The following ITGAV variants were observed in gnomAD, a reference collection of about 807,000 sequenced individuals.
ITGAV encodes the protein integrin alpha-V.
A neutral mutation model predicts 143.8 loss-of-function variants in ITGAV; 76 were observed. That is an observed-to-expected ratio of 0.53 (90% CI 0.44 to 0.64). The LOEUF is 0.64. ITGAV is among the 30% of genes least tolerant of loss of function. The pLI is 0.00. For synonymous variants in ITGAV, 453 were observed against 446.7 expected (o/e 1.01, Z -0.18); for missense variants, 1,193 against 1,274.7 (o/e 0.94, Z 0.98).
At chr2:186,608,919 G>C (rs1574464643) in intron 2 of ITGAV, among the ~76,000 whole-genome samples, 1 of 152,310 alleles carries the variant, frequency 6.6e-6, no homozygotes, top group East Asian at 1.9e-4. Context: ...GGATTTTATT[G>C]TTGCTGGTAC....
At chr2:186,633,489 T>C (rs1687872396) in intron 6 of ITGAV, 115 bp downstream of exon 6, 3 of 504,802 alleles carry the variant, frequency 5.9e-6, no homozygotes, top group Non-Finnish European at 7.2e-6. Context: ...GGAAATACAA[T>C]TAAAGTATAT....
rs1430763945 is a variant in ITGAV at position 186,631,245 on chromosome 2, T to G, written c.585+387T>G. On this transcript the variant is annotated intron_variant, in intron 5 of 29. Transcript: ENST00000261023. The stretch of plus-strand genomic sequence containing the variant: ...ATCAATGAGAGCTTTATTACAAAAT[T>G]AGAGTTACATAAAAGCTGGGAAACA... Among the ~76,000 whole-genome samples, 3 of 152,296 alleles carry G rather than the reference T, an allele frequency of 2.0e-5. No homozygotes were observed. In the East Asian group the frequency reaches 5.8e-4, roughly 29 times the overall value.
chr2:186,597,902 A>G lies in ITGAV; in HGVS notation c.186-4119A>G, dbSNP rs138135500. Among the ~76,000 whole-genome samples, 63 of 152,230 alleles carry G rather than the reference A, an allele frequency of 4.1e-4. 1 individual carries two copies. In the East Asian group the frequency reaches 6.4e-3, roughly 15 times the overall value. The stretch of plus-strand genomic sequence containing the variant: ...TTTCATCCCGAAAGCATCCCCCTCT[A>G]TGTCCAGGGAAGGAAAGGTTGGGGA... On this transcript the variant is annotated intron_variant, in intron 1 of 29. Transcript: ENST00000261023.
In ITGAV at chr2:186,638,272, T is replaced by C. The variant is rs751464182; in HGVS notation, c.803-5T>C. ...ATGAATAATTTGTTTGTTTGTTTGTTTCAGACTTTGTTTCAGGAGTTCCAA... is the reference window on the plus strand; with the variant it reads ...ATGAATAATTTGTTTGTTTGTTTGTCTCAGACTTTGTTTCAGGAGTTCCAA... On this transcript the variant is annotated splice_polypyrimidine_tract_variant and splice_region_variant and intron_variant, in intron 8 of 29. Transcript: ENST00000261023. The C allele has an allele frequency of 1.2e-6, 2 of 1,613,774 alleles. No individual in the cohort carries two copies. The highest frequency in any genetic ancestry group is 2.2e-5 in the South Asian group (2 of 91,052).
At chr2:186,607,589 A>T (rs1404550533) in intron 2 of ITGAV, among the ~76,000 whole-genome samples, 3 of 152,180 alleles carry the variant, frequency 2.0e-5, no homozygotes, top group Non-Finnish European at 4.4e-5. Flanking sequence ...TGGACAAAAA[A>T]AAATCTATTG....
intron 1 of ITGAV, among the ~76,000 whole-genome samples, chr2:186,598,294 TACACACACACACACACACAC>T (rs56789925): frequency 1.4e-5 from 2 of 147,856 alleles, no homozygotes; most frequent in South Asian, 2.2e-4. Context: ...TTATAATTTA[TACACACACACACACACACAC>T]ACACACACAC....
At chr2:186,599,414 A>G (rs547188570) in intron 1 of ITGAV, among the ~76,000 whole-genome samples, 1 of 152,348 alleles carries the variant, frequency 6.6e-6, no homozygotes, top group East Asian at 1.9e-4. Context: ...GCTTCAGACT[A>G]CAACTGGATG....
intron 10 of ITGAV, among the ~76,000 whole-genome samples, chr2:186,640,659 A>G (rs1460722522): frequency 6.6e-6 from 1 of 152,168 alleles, no homozygotes; most frequent in Non-Finnish European, 1.5e-5. Flanking sequence ...GTCATATATC[A>G]ACAACACTGG....
chr2:186,613,733 T>G (rs1002578830), intron 2 of ITGAV, among the ~76,000 whole-genome samples: 6 of 152,138 alleles, frequency 3.9e-5, no homozygotes, highest in African/African-American at 1.4e-4. Context: ...AGTTCTAATA[T>G]CTTACCACTA....
At position 186,590,578 on chromosome 2, in the gene ITGAV, A is replaced by C. The variant is rs547913591; in HGVS notation, c.185+55A>C. The C allele has an allele frequency of 1.5e-3, 2,244 of 1,501,012 alleles. 2 individuals are homozygous for C. Among genetic ancestry groups the C allele is most frequent in the Non-Finnish European group, 1.8e-3 (1,970 of 1,107,626 alleles). 93.0% of individuals were successfully genotyped at this position (1,501,012 alleles called of 1,614,324 possible). The stretch of plus-strand genomic sequence containing the variant: ...GCCCCCTCCCCCACCGCGCGCACCC[A>C]CCCAGCGTTTCTCCATTGGGATTGA... On this transcript the variant is annotated intron_variant, in intron 1 of 29. Transcript: ENST00000261023.
chr2:186,613,706 C>G (rs531689590), intron 2 of ITGAV, among the ~76,000 whole-genome samples: 2 of 152,062 alleles, frequency 1.3e-5, no homozygotes, highest in African/African-American at 4.8e-5. Context: ...GCAAATTGTC[C>G]TTTCGTTAAT....
chr2:186,646,652 A>G, intron 12 of ITGAV, 34 bp from the exon 13 acceptor site: 1 of 1,488,018 alleles, frequency 6.7e-7, no homozygotes, highest in East Asian at 2.4e-5. Context: ...TACTTCTGTC[A>G]TTCTCCTTCC....
intron 18 of ITGAV, among the ~76,000 whole-genome samples, chr2:186,662,176 T>C (rs1688766055): frequency 1.3e-5 from 2 of 152,196 alleles, no homozygotes; most frequent in African/African-American, 4.8e-5. Flanking sequence ...GGGAATGTTA[T>C]ACATACCTTA....
At chr2:186,661,031 C>T (rs924425698) in intron 18 of ITGAV, among the ~76,000 whole-genome samples, 2 of 151,822 alleles carry the variant, frequency 1.3e-5, no homozygotes, top group Non-Finnish European at 2.9e-5. Flanking sequence ...TTCTAAGATA[C>T]TGGGGATTAA....
intron 13 of ITGAV, among the ~76,000 whole-genome samples, chr2:186,649,016 ATATATATACACATT>A (rs1688349023): frequency 1.6e-5 from 1 of 60,966 alleles, no homozygotes. Flanking sequence ...ATTTGTGTGT[ATATATATACACATT>A]TGTGTGTATA....
Position 186,679,899 on chromosome 2 carries a change from C to G in ITGAV, c.*2607C>G, listed in dbSNP as rs148594846. 6.6e-6 allele frequency: 1 copy of G among 151,920 alleles called. No individual in the cohort carries two copies. Among genetic ancestry groups the G allele is most frequent in the Admixed American group, 6.6e-5 (1 of 15,238 alleles). 9.4% of individuals were successfully genotyped at this position (151,920 alleles called of 1,614,324 possible). A position where few individuals can be genotyped will look rare whatever the true frequency, so the allele number is the denominator to read the frequency against. ...TGAAACTACTTATTCATAGTTAATTCTCATTAACACTTACATTTCCATAAA... is the reference window on the plus strand; with the variant it reads ...TGAAACTACTTATTCATAGTTAATTGTCATTAACACTTACATTTCCATAAA... On this transcript the variant is annotated 3_prime_UTR_variant, in exon 30 of 30. Transcript: ENST00000261023.
intron 2 of ITGAV, among the ~76,000 whole-genome samples, chr2:186,612,369 A>AT (rs546219169): frequency 0.28 from 41,655 of 146,338 alleles, 5,707 homozygotes; most frequent in Middle Eastern, 0.34. Flanking sequence ...TACCTGTTTA[A>AT]TTTTTTTTTT....
At chr2:186,607,504 A>T (rs986692169) in intron 2 of ITGAV, among the ~76,000 whole-genome samples, 2 of 152,132 alleles carry the variant, frequency 1.3e-5, no homozygotes, top group Non-Finnish European at 2.9e-5. Context: ...GTGATAGTTG[A>T]AATGGTAGAA....
Position 186,659,145 on chromosome 2 carries a change from C to G in ITGAV, c.1827C>G (p.Asn609Lys). ...CAACAGGCTTGCAACCCATTCTTAA[C>G]CAGTTCACGCCTGCTAACATTAGTC... Reference protein sequence around the residue: ...ADTTGLQPILNQFTPANISRQ... With the variant: ...ADTTGLQPILKQFTPANISRQ... The change falls in exon 18 of 30, where the codon AAC becomes AAG. Residue 609 changes from asparagine to lysine, a missense_variant. By Grantham distance (94) the Asn-to-Lys change is moderately conservative. Coordinates refer to ENST00000261023, the MANE Select transcript of ITGAV (RefSeq NM_002210.5). 1 of 1,610,776 alleles carries G rather than the reference C, an allele frequency of 6.2e-7. No homozygotes were observed. Among genetic ancestry groups the G allele is most frequent in the Non-Finnish European group, 8.5e-7 (1 of 1,178,190 alleles).
Sources: gnomAD v4.1 joint callset for allele counts (sites outside exome capture counted in the v4.1 genomes callset) on GRCh38, gnomAD v4.1.1 for gene constraint, MANE v1.5 for transcripts, NCBI Gene and HGNC (gene_info 2026-07-23, HGNC 2026-07-21) for gene names.